The following ALDH1L1 variants were observed in gnomAD, a reference collection of about 807,000 sequenced individuals.
ALDH1L1 encodes the protein aldehyde dehydrogenase 1 family member L1, also known as cytosolic 10-formyltetrahydrofolate dehydrogenase.
Under a neutral mutation model 101.1 loss-of-function variants are expected in ALDH1L1, and 68 were observed. The ratio of observed to expected loss-of-function variants is 0.67; its 90% confidence interval spans 0.55 to 0.82. The LOEUF (loss-of-function observed/expected upper bound fraction) is 0.82, where lower values mean the gene tolerates loss of function less well. Ranked by LOEUF, ALDH1L1 falls within the 40% of genes least tolerant of loss-of-function variation. ALDH1L1 has a pLI of 0.00. For synonymous variants in ALDH1L1, 486 were observed against 470.8 expected, an observed-to-expected ratio of 1.03 and a Z score of -0.42; for missense variants, 1,087 against 1,172.7, an observed-to-expected ratio of 0.93 and a Z score of 1.07.
At chr3:126,155,777 T>C (rs946256277) in intron 4 of ALDH1L1, 4 of 322,932 alleles carry the variant, frequency 1.2e-5, no homozygotes, top group African/African-American at 8.7e-5. Context: ...ATATAAACTG[T>C]AAAGCCCTGC....
chr3:126,156,681 G>T (rs577606769), intron 4 of ALDH1L1: 1 of 152,218 alleles, frequency 6.6e-6, no homozygotes, highest in East Asian at 1.9e-4. Flanking sequence ...GAGCCGCCCT[G>T]CCGCTCAGGC....
chr3:126,125,858 T>C, intron 14 of ALDH1L1, 137 bp from the exon 15 acceptor site: 1 of 552,686 alleles, frequency 1.8e-6, no homozygotes, highest in Non-Finnish European at 3.1e-6. Flanking sequence ...CCAAGGTCCC[T>C]CTGAGAGGCA....
At chr3:126,161,483 C>A (rs771192613) in intron 1 of ALDH1L1, among the ~76,000 whole-genome samples, 1 of 152,166 alleles carries the variant, frequency 6.6e-6, no homozygotes, top group South Asian at 2.1e-4. Context: ...GAGTCCCCGC[C>A]GAAGGGGCTG....
At chr3:126,158,260 C>A in intron 3 of ALDH1L1, 145 bp downstream of exon 3, 2 of 738,042 alleles carry the variant, frequency 2.7e-6, no homozygotes, top group South Asian at 3.9e-5. Flanking sequence ...TGTTCTGTGG[C>A]TGACATCTGG....
At chr3:126,154,719 G>A in intron 5 of ALDH1L1, 76 bp from the exon 6 acceptor site, 1 of 1,382,600 alleles carries the variant, frequency 7.2e-7, no homozygotes, top group Non-Finnish European at 1.0e-6. Context: ...CTGGACAGTG[G>A]ACCAAGCTCT....
At chr3:126,152,374 T>G (rs983866764) in intron 7 of ALDH1L1, 11 of 152,198 alleles carry the variant, frequency 7.2e-5, no homozygotes, top group African/African-American at 2.7e-4. Flanking sequence ...GCACAAGAAT[T>G]TTTACCTTAG....
chr3:126,128,289 A>T (rs2080228764), intron 14 of ALDH1L1: 1 of 152,278 alleles, frequency 6.6e-6, no homozygotes, highest in Non-Finnish European at 1.5e-5. Context: ...CCCATTACCC[A>T]GGAGGCCCGG....
intron 2 of ALDH1L1, among the ~76,000 whole-genome samples, 195 bp from the exon 3 acceptor site, chr3:126,158,834 C>T (rs2080975353): frequency 6.6e-6 from 1 of 152,176 alleles, no homozygotes; most frequent in Non-Finnish European, 1.5e-5. Context: ...GCCCTGCCTG[C>T]ATCCTGACTT....
In ALDH1L1 at chr3:126,161,004, T is replaced by A; in HGVS notation, c.-23-2A>T. On this transcript the variant is annotated splice_acceptor_variant, in intron 1 of 22. Coordinates refer to ENST00000393434, the MANE Select transcript of ALDH1L1 (RefSeq NM_012190.4). LOFTEE classifies it low-confidence loss of function (5UTR_SPLICE). ...TGGTAGCAGGAGGGTTGGAAGGACCTGGAGAAGGAATAAGGCAGCAATTAG... is the reference window on the plus strand; with the variant it reads ...TGGTAGCAGGAGGGTTGGAAGGACCAGGAGAAGGAATAAGGCAGCAATTAG... 1 of 1,613,976 alleles carries A rather than the reference T, an allele frequency of 6.2e-7. No homozygotes were observed. The highest frequency in any genetic ancestry group is 8.5e-7 in the Non-Finnish European group (1 of 1,179,938).
rs151062967 is a variant in ALDH1L1, at chr3:126,164,687, G to A, written c.-23-3685C>T. Among the ~76,000 whole-genome samples the A allele has an allele frequency of 2.7e-3, 417 of 152,306 alleles. 2 individuals are homozygous for A. The highest frequency in any genetic ancestry group is 9.5e-3 in the African/African-American group (394 of 41,568). On this transcript the variant is annotated intron_variant, in intron 1 of 22. Transcript: ENST00000393434. ...ATAGTCCAACGACGAACATACAAGC[G>A]CATGTGTCTTTTTCATATAATGATC...
At chr3:126,126,923 G>C (rs1248552938) in intron 14 of ALDH1L1, among the ~76,000 whole-genome samples, 1 of 152,222 alleles carries the variant, frequency 6.6e-6, no homozygotes, top group Non-Finnish European at 1.5e-5. Context: ...CAGACTCACA[G>C]TGGGAATGCC....
intron 13 of ALDH1L1, 95 bp from the exon 14 acceptor site, chr3:126,130,388 T>G: frequency 8.5e-7 from 1 of 1,179,782 alleles, no homozygotes; most frequent in Non-Finnish European, 1.1e-6. Flanking sequence ...CAGGAGGAAG[T>G]CAAAGCGACC....
At chr3:126,155,356 G>A (rs952740193) in intron 5 of ALDH1L1, 46 bp downstream of exon 5, 4 of 1,560,920 alleles carry the variant, frequency 2.6e-6, no homozygotes, top group Admixed American at 1.8e-5. Flanking sequence ...TACAACCCCA[G>A]TCTGCTCACA....
At chr3:126,113,331 G>C (rs548056409) in intron 18 of ALDH1L1, among the ~76,000 whole-genome samples, 112 of 152,300 alleles carry the variant, frequency 7.4e-4, no homozygotes, top group African/African-American at 2.6e-3. Context: ...TGGGTGACAG[G>C]GCAGAGGGTG....
At chr3:126,178,947 A>AAAAT (rs1001579956) in intron 1 of ALDH1L1, among the ~76,000 whole-genome samples, 14 of 152,066 alleles carry the variant, frequency 9.2e-5, no homozygotes, top group African/African-American at 3.1e-4. Flanking sequence ...CTGAAAAAAA[A>AAAAT]AAATAAAAGA....
intron 1 of ALDH1L1, among the ~76,000 whole-genome samples, chr3:126,178,389 A>G (rs571652490): frequency 7.6e-5 from 10 of 131,410 alleles, no homozygotes; most frequent in East Asian, 6.3e-4. Context: ...TCAAAAAAAA[A>G]AAAAAAGAAA....
intron 16 of ALDH1L1, among the ~76,000 whole-genome samples, chr3:126,120,429 A>C (rs1021866280): frequency 6.6e-6 from 1 of 152,232 alleles, no homozygotes; most frequent in Non-Finnish European, 1.5e-5. Flanking sequence ...ATAACGATGG[A>C]GACAAGAAAA....
upstream of ALDH1L1, chr3:126,181,219 GC>G: frequency 1.7e-6 from 1 of 597,982 alleles, no homozygotes; most frequent in Non-Finnish European, 3.0e-6. Flanking sequence ...ATCCTGGCCA[GC>G]CCGGTCTCAG....
intron 19 of ALDH1L1, among the ~76,000 whole-genome samples, chr3:126,110,761 G>C (rs1254689276): frequency 6.6e-6 from 1 of 152,078 alleles, no homozygotes. Context: ...TCTCCACCCT[G>C]TAGCCAAACC....
Sources: allele counts gnomAD v4.1 joint callset (sites outside exome capture counted in the v4.1 genomes callset), GRCh38; gene constraint gnomAD v4.1.1; transcripts MANE v1.5; gene names NCBI Gene and HGNC (gene_info 2026-07-23, HGNC 2026-07-21).